Variants in NUP107 observed in about 807,000 individuals in gnomAD.
The protein encoded by NUP107 is nuclear pore complex protein Nup107.
NUP107 carries 101 observed loss-of-function variants against 141.0 expected under a neutral mutation model. That is an observed-to-expected ratio of 0.72 (90% CI 0.61 to 0.84). The LOEUF is 0.84. NUP107 is among the 40% of genes least tolerant of loss of function. NUP107 has a pLI of 0.00. For missense variants in NUP107, 941 were observed against 1,102.7 expected (o/e 0.85, Z 2.08); for synonymous variants, 319 against 363.9 (o/e 0.88, Z 1.41).
chr12:68,691,847 A>G, intron 4 of NUP107, 121 bp from the exon 5 acceptor site: 2 of 871,668 alleles, frequency 2.3e-6, no homozygotes, highest in Non-Finnish European at 3.3e-6. Flanking sequence ...AAGGGAAAAA[A>G]AAAAAAAAAG....
At chr12:68,687,222 C>T (rs1875539863) in intron 1 of NUP107, 149 bp downstream of exon 1, 3 of 1,170,540 alleles carry the variant, frequency 2.6e-6, no homozygotes, top group Middle Eastern at 2.8e-4. Flanking sequence ...GAAATTTGGC[C>T]ACAAATGGGG....
chr12:68,714,617 G>A (rs1877020020), intron 11 of NUP107, among the ~76,000 whole-genome samples: 1 of 152,214 alleles, frequency 6.6e-6, no homozygotes, highest in African/African-American at 2.4e-5. Context: ...AACATGTGGA[G>A]TAAGAATTAC....
chr12:68,734,728 T>C lies in NUP107; in HGVS notation c.2283T>C (p.Asn761=), dbSNP rs141203926. The C allele has an allele frequency of 1.5e-4, 239 of 1,602,458 alleles. No individual in the cohort carries two copies. In the African/African-American group the frequency reaches 2.6e-3, roughly 17 times the overall value. ...RAYLEAHETF[N]EWFKHMNSVP... is the part of the protein sequence containing the mutation. ...TTTAGGAAGCCCATGAAACCTTTAA[T>C]GAGTGGTTTAAGCATATGAATTCAG... The change falls in exon 25 of 28, where the codon AAT becomes AAC. Residue 761 remains asparagine (N), a synonymous_variant. Coordinates refer to ENST00000229179, the MANE Select transcript of NUP107 (RefSeq NM_020401.4).
chr12:68,724,927 CA>C, intron 17 of NUP107, among the ~76,000 whole-genome samples: 1 of 152,140 alleles, frequency 6.6e-6, no homozygotes, highest in Non-Finnish European at 1.5e-5. Flanking sequence ...GAGTGGAACA[CA>C]AAGTCCAAAC....
At chr12:68,729,376 G>A (rs1352981462) in intron 20 of NUP107, among the ~76,000 whole-genome samples, 1 of 151,956 alleles carries the variant, frequency 6.6e-6, no homozygotes, top group Admixed American at 6.6e-5. Flanking sequence ...TTTTATAGTA[G>A]TAAGTGATAA....
intron 8 of NUP107, chr12:68,707,030 G>A: frequency 1.7e-6 from 1 of 603,766 alleles, no homozygotes; most frequent in Non-Finnish European, 2.9e-6. Context: ...GACCCACGAT[G>A]GAAAGCTAGT....
At chr12:68,727,106 T>C (rs1190558310) in intron 19 of NUP107, among the ~76,000 whole-genome samples, 2 of 152,204 alleles carry the variant, frequency 1.3e-5, no homozygotes, top group Non-Finnish European at 2.9e-5. Context: ...TAAATAAAAC[T>C]TCCCTTGGTC....
chr12:68,693,532 G>A (rs996034492), intron 5 of NUP107, among the ~76,000 whole-genome samples: 1 of 152,160 alleles, frequency 6.6e-6, no homozygotes, highest in Admixed American at 6.5e-5. Flanking sequence ...CTGGAGCCTA[G>A]ATGTCTGAGT....
intron 26 of NUP107, among the ~76,000 whole-genome samples, chr12:68,736,726 T>A (rs111259106): frequency 4.0e-5 from 6 of 150,076 alleles, no homozygotes; most frequent in African/African-American, 1.2e-4. Flanking sequence ...CCTTTTTTTT[T>A]TTTTTTTTTT....
Position 68,743,457 on chromosome 12 carries a change from A to G in NUP107, c.*995A>G, listed in dbSNP as rs1177770723. 1.3e-5 allele frequency: 2 copies of G among 152,240 alleles called. No homozygotes were observed. Among genetic ancestry groups the G allele is most frequent in the East Asian group, 3.9e-4 (2 of 5,194 alleles). 9.4% of individuals were successfully genotyped at this position (152,240 alleles called of 1,614,324 possible). A position where few individuals can be genotyped will look rare whatever the true frequency, so the allele number is the denominator to read the frequency against. ...GCAGGAAGAACCTCTCTCCAGCTGA[A>G]AAGACTCTCAGGAAGTAGTATTGGT... On this transcript the variant is annotated 3_prime_UTR_variant, in exon 28 of 28. Transcript: ENST00000229179.
intron 7 of NUP107, among the ~76,000 whole-genome samples, chr12:68,702,471 G>T (rs954417503): frequency 6.6e-6 from 1 of 151,500 alleles, no homozygotes; most frequent in Non-Finnish European, 1.5e-5. Context: ...TCTGTTGTTC[G>T]CCAGGCTGGT....
chr12:68,693,107 T>A (rs1875895644), intron 5 of NUP107, among the ~76,000 whole-genome samples: 1 of 151,182 alleles, frequency 6.6e-6, no homozygotes, highest in African/African-American at 2.4e-5. Flanking sequence ...AGACGGAGTC[T>A]CACTCTGTTG....
chr12:68,729,816 A>G (rs1403449172), intron 20 of NUP107, among the ~76,000 whole-genome samples: 4 of 146,988 alleles, frequency 2.7e-5, no homozygotes, highest in African/African-American at 1.0e-4. Flanking sequence ...TTTGAGACGG[A>G]GTCTCACTCT....
At chr12:68,719,985 G>C (rs989422248) in intron 14 of NUP107, among the ~76,000 whole-genome samples, 2 of 152,200 alleles carry the variant, frequency 1.3e-5, no homozygotes, top group Admixed American at 6.5e-5. Context: ...TGAAAAACAA[G>C]AGGAAGGAAT....
At chr12:68,693,895 C>T (rs2135999842) in intron 5 of NUP107, among the ~76,000 whole-genome samples, 1 of 152,054 alleles carries the variant, frequency 6.6e-6, no homozygotes, top group East Asian at 1.9e-4. Flanking sequence ...GTTTTGTTTT[C>T]TCCTGGACCG....
rs1463067561 is a variant in NUP107, at chr12:68,688,973, G to A, written c.20G>A (p.Gly7Glu). 6.2e-7 allele frequency: 1 copy of A among 1,612,642 alleles called. No individual in the cohort carries two copies. The highest frequency in any genetic ancestry group is 1.1e-5 in the South Asian group (1 of 90,958). Residue 7 changes from glycine (G) to glutamate (E), a missense_variant, in exon 2 of 28, where the codon GGA (glycine) becomes GAA (glutamate). Transcript: ENST00000229179. ...TTATACTACTTTAGGAGTGGCTTTG[G>A]AGAGATATCATCCCCTGTAATCCGG... MDRSGF[G>E]EISSPVIREA... is the part of the protein sequence containing the mutation.
rs367882875 is a variant in NUP107 at position 68,713,740 on chromosome 12, C to T, written c.901C>T (p.Leu301=). 1.2e-5 allele frequency: 19 copies of T among 1,604,822 alleles called. No individual in the cohort carries two copies. The highest frequency in any genetic ancestry group is 5.2e-5 in the Admixed American group (3 of 57,838). Residue 301 remains leucine (L), a synonymous_variant, in exon 11 of 28, where the codon CTG becomes TTG. Coordinates refer to ENST00000229179, the MANE Select transcript of NUP107 (RefSeq NM_020401.4). ...YAKSVYWENT[L]HTLKQRQLTS... is the part of the protein sequence containing the mutation. ...TATTATTTCTTTCAGGGAAAATACTCTGCATACCTTAAAACAACGGCAGCT... is the reference window on the plus strand; with the variant it reads ...TATTATTTCTTTCAGGGAAAATACTTTGCATACCTTAAAACAACGGCAGCT...
chr12:68,721,187 C>T lies in NUP107; in HGVS notation c.1311+10C>T. 6.3e-7 allele frequency: 1 copy of T among 1,588,002 alleles called. No individual in the cohort carries two copies. The highest frequency in any genetic ancestry group is 1.1e-5 in the South Asian group (1 of 89,178). ...TGGGAATCTTAAGCAGGTATGCAATCTGTTTTAATGTTTAAATTTTTTCTG... is the reference window on the plus strand; with the variant it reads ...TGGGAATCTTAAGCAGGTATGCAATTTGTTTTAATGTTTAAATTTTTTCTG... On this transcript the variant is annotated intron_variant, in intron 15 of 27. Transcript: ENST00000229179.
In NUP107 at chr12:68,725,715, CTT is replaced by C. The variant is rs762116120; in HGVS notation, c.1507-5_1507-4del. On this transcript the variant is annotated splice_polypyrimidine_tract_variant and intron_variant, in intron 17 of 27. Coordinates refer to ENST00000229179, the MANE Select transcript of NUP107 (RefSeq NM_020401.4). Reference sequence around the variant, plus strand: ...TAGAAGATTTATGGAAAATTAAAAACTTTTTTTTCAGAGAGTTCTGGAAGAGA... The same window carrying C: ...TAGAAGATTTATGGAAAATTAAAAACTTTTTTCAGAGAGTTCTGGAAGAGA... The C allele has an allele frequency of 7.1e-7, 1 of 1,416,234 alleles. No individual in the cohort carries two copies. Among genetic ancestry groups the C allele is most frequent in the Non-Finnish European group, 9.7e-7 (1 of 1,026,792 alleles). 87.7% of individuals were successfully genotyped at this position (1,416,234 alleles called of 1,614,324 possible).
Sources: allele counts gnomAD v4.1 joint callset (sites outside exome capture counted in the v4.1 genomes callset), GRCh38; gene constraint gnomAD v4.1.1; transcripts MANE v1.5; gene names NCBI Gene and HGNC (gene_info 2026-07-23, HGNC 2026-07-21).